Variants in DAB1 observed in about 807,000 individuals in gnomAD.
DAB1 encodes the protein DAB adaptor protein 1, also known as disabled homolog 1.
In DAB1, 15 loss-of-function variants were observed where a neutral mutation model predicts 64.6. The ratio of observed to expected loss-of-function variants is 0.23; its 90% CI spans 0.16 to 0.36. The LOEUF (loss-of-function observed/expected upper bound fraction) is 0.36. Among genes scored for constraint, DAB1 ranks in the 10% least tolerant of loss-of-function variants. The pLI is 1.00. For synonymous variants in DAB1, 235 were observed against 251.9 expected (o/e 0.93, Z 0.64); for missense variants, 596 against 706.7 (o/e 0.84, Z 1.78).
chr1:57,781,114 CTCTCTCTCTCTCTATATATATA>C (rs1650058715), intron 6 of DAB1, among the ~76,000 whole-genome samples: 5 of 62,764 alleles, frequency 8.0e-5, no homozygotes, highest in African/African-American at 3.0e-4. Flanking sequence ...CTCTCTCTCT[CTCTCTCTCTCTCTATATATATA>C]TATATATATA....
intron 7 of DAB1, among the ~76,000 whole-genome samples, chr1:57,602,832 G>T (rs1645590582): frequency 6.6e-6 from 1 of 152,128 alleles, no homozygotes; most frequent in African/African-American, 2.4e-5. Flanking sequence ...AGCACTGAGG[G>T]CAGAGCATCT....
At chr1:58,477,665 C>T (rs569998537) in intron 3 of DAB1, among the ~76,000 whole-genome samples, 1 of 152,214 alleles carries the variant, frequency 6.6e-6, no homozygotes, top group African/African-American at 2.4e-5. Context: ...AAGCATGCAA[C>T]CCTGGGAGCT....
At position 57,175,006 on chromosome 1, in the gene DAB1, C is replaced by T. The variant is rs141493612; in HGVS notation, c.68-29577G>A. 6.6e-5 allele frequency among the ~76,000 whole-genome samples: 10 copies of T among 152,294 alleles called. No homozygotes were observed. In the East Asian group the frequency reaches 1.9e-3, roughly 29 times the overall value. ...TAACTTGTTAAAACAAAATGCTACT[C>T]TCCATGACTCCCCCAACAGAGCACA... On this transcript the variant is annotated intron_variant, in intron 2 of 14. Transcript: ENST00000371236.
Position 57,513,135 on chromosome 1 carries a change from A to G in DAB1, n.625+136457T>C, listed in dbSNP as rs142759343. On this transcript the variant is annotated intron_variant and non_coding_transcript_variant, in intron 7 of 20. Transcript: ENST00000485760. ...AATTTAGGCACTGGTTCGTCTGAATACAAAATATCCACTTTTTTTTTTTCA... is the reference window on the plus strand; with the variant it reads ...AATTTAGGCACTGGTTCGTCTGAATGCAAAATATCCACTTTTTTTTTTTCA... Among the ~76,000 whole-genome samples the G allele has an allele frequency of 4.4e-3, 484 of 109,286 alleles. 2 individuals are homozygous for G. Among genetic ancestry groups the G allele is most frequent in the African/African-American group, 0.015 (466 of 31,186 alleles). The allele number at this position is 109,286 out of a possible 152,430, so 71.7% of individuals were successfully genotyped here.
intron 6 of DAB1, among the ~76,000 whole-genome samples, chr1:57,701,066 G>A (rs1287971368): frequency 2.0e-5 from 3 of 152,004 alleles, no homozygotes; most frequent in Non-Finnish European, 2.9e-5. Flanking sequence ...AGGTGCTGGA[G>A]AGGATGTGGA....
At chr1:57,392,080 A>G (rs1682423889) in intron 1 of DAB1, among the ~76,000 whole-genome samples, 1 of 152,174 alleles carries the variant, frequency 6.6e-6, no homozygotes, top group Admixed American at 6.6e-5. Flanking sequence ...GTCATGTAAC[A>G]AAGCATGTAA....
At chr1:57,020,950 G>T (rs1050298709) in intron 11 of DAB1, among the ~76,000 whole-genome samples, 2 of 152,126 alleles carry the variant, frequency 1.3e-5, no homozygotes, top group Non-Finnish European at 2.9e-5. Context: ...CAGTCCATCC[G>T]TTGTATCACA....
chr1:58,447,338 C>A (rs1217320132), intron 3 of DAB1, among the ~76,000 whole-genome samples: 1 of 152,050 alleles, frequency 6.6e-6, no homozygotes, highest in African/African-American at 2.4e-5. Flanking sequence ...TGACTGGGTA[C>A]AAAGTCATCT....
At chr1:57,354,716 G>A (rs1056413605) in intron 1 of DAB1, among the ~76,000 whole-genome samples, 1 of 152,066 alleles carries the variant, frequency 6.6e-6, no homozygotes, top group Non-Finnish European at 1.5e-5. Flanking sequence ...GTAGATGAAG[G>A]GAACCCTGAG....
At chr1:57,884,346 G>A (rs1211540961), upstream of DAB1, among the ~76,000 whole-genome samples, 1 of 152,148 alleles carries the variant, frequency 6.6e-6, no homozygotes, top group East Asian at 1.9e-4. Flanking sequence ...CGTGTGCTGA[G>A]CTAAACAAAA....
intron 7 of DAB1, among the ~76,000 whole-genome samples, chr1:57,471,274 G>A (rs1570550362): frequency 2.0e-5 from 3 of 152,132 alleles, no homozygotes; most frequent in East Asian, 3.8e-4. Flanking sequence ...AAAATTAGTT[G>A]TAAAGCAAAC....
intron 4 of DAB1, among the ~76,000 whole-genome samples, chr1:58,214,794 A>G (rs76895156): frequency 0.011 from 1,669 of 152,286 alleles, 33 homozygotes; most frequent in African/African-American, 0.038. Flanking sequence ...CTTTTGACTA[A>G]GATCACCATT....
chr1:57,363,003 T>C (rs1330719906), intron 1 of DAB1, among the ~76,000 whole-genome samples: 2 of 152,222 alleles, frequency 1.3e-5, no homozygotes, highest in Non-Finnish European at 2.9e-5. Flanking sequence ...AAAAGATAGA[T>C]TATTACTACT....
At chr1:57,565,370 G>A (rs576144951) in intron 7 of DAB1, among the ~76,000 whole-genome samples, 4 of 152,240 alleles carry the variant, frequency 2.6e-5, no homozygotes, top group Admixed American at 1.3e-4. Flanking sequence ...ATCAACTAAC[G>A]AGCAAAATAA....
At chr1:57,763,436 T>C (rs964968925) in intron 6 of DAB1, among the ~76,000 whole-genome samples, 1 of 152,060 alleles carries the variant, frequency 6.6e-6, no homozygotes, top group Non-Finnish European at 1.5e-5. Flanking sequence ...CCAACACTTT[T>C]TGGGGCTGAG....
chr1:58,344,136 A>G (rs772402948), intron 3 of DAB1, among the ~76,000 whole-genome samples: 8 of 151,892 alleles, frequency 5.3e-5, no homozygotes, highest in Admixed American at 1.3e-4. Context: ...AAGTTACTTA[A>G]CCTCTCTGAG....
At chr1:57,354,528 T>C (rs1029314473) in intron 1 of DAB1, among the ~76,000 whole-genome samples, 6 of 152,048 alleles carry the variant, frequency 3.9e-5, no homozygotes, top group African/African-American at 1.4e-4. Context: ...TGCTGTTGGG[T>C]TGAGGGTGGG....
At chr1:58,207,906 A>G (rs894244285) in intron 4 of DAB1, among the ~76,000 whole-genome samples, 3 of 152,184 alleles carry the variant, frequency 2.0e-5, no homozygotes, top group African/African-American at 7.2e-5. Context: ...TGAGGAATTT[A>G]TAAAGGAAAG....
chr1:58,124,793 T>C (rs1652963867), intron 5 of DAB1, among the ~76,000 whole-genome samples: 1 of 152,184 alleles, frequency 6.6e-6, no homozygotes, highest in Non-Finnish European at 1.5e-5. Context: ...ACAAGAATTA[T>C]AACGTCACAT....
Sources: allele counts gnomAD v4.1 joint callset (sites outside exome capture counted in the v4.1 genomes callset), GRCh38; gene constraint gnomAD v4.1.1; transcripts MANE v1.5; gene names NCBI Gene and HGNC (gene_info 2026-07-23, HGNC 2026-07-21).